Variants in FAR1 observed in about 807,000 individuals in gnomAD.
FAR1 encodes the protein male sterility domain-containing protein 2.
A neutral mutation model predicts 61.1 loss-of-function variants in FAR1; 22 were observed. That is an observed-to-expected ratio of 0.36 (90% CI 0.26 to 0.51). The LOEUF (loss-of-function observed/expected upper bound fraction) is 0.51. Among genes scored for constraint, FAR1 ranks in the 20% least tolerant of loss-of-function variants. FAR1 has a pLI of 0.95. For missense variants in FAR1, 359 were observed against 626.9 expected, an observed-to-expected ratio of 0.57 and a Z score of 4.56; for synonymous variants, 206 against 209.7, an observed-to-expected ratio of 0.98 and a Z score of 0.15.
At chr11:13,677,053 T>C (rs918122226) in intron 1 of FAR1, among the ~76,000 whole-genome samples, 30 of 152,324 alleles carry the variant, frequency 2.0e-4, no homozygotes, top group African/African-American at 6.5e-4. Context: ...TTTTGGTAAG[T>C]CTATTGTGCT....
rs551687999 is a variant in FAR1, at chr11:13,693,850, T to C, written c.-7-909T>C. On this transcript the variant is annotated intron_variant, in intron 1 of 11. Coordinates refer to ENST00000354817, the MANE Select transcript of FAR1 (RefSeq NM_032228.6). ...TGGAGCTATTTTTTCCAGGTTGTTA[T>C]GAACATATATTTTTTAATTATGAAA... 2.6e-5 allele frequency among the ~76,000 whole-genome samples: 4 copies of C among 152,324 alleles called. No individual in the cohort carries two copies. In the East Asian group the frequency reaches 7.7e-4, roughly 29 times the overall value.
intron 9 of FAR1, among the ~76,000 whole-genome samples, chr11:13,718,926 C>T (rs552326491): frequency 9.9e-4 from 151 of 152,234 alleles, no homozygotes; most frequent in Non-Finnish European, 1.9e-3. Context: ...CTAGTTTGAG[C>T]TTCCTCGCAG....
chr11:13,708,447 G>GCACACACACACA (rs61253307), intron 4 of FAR1, among the ~76,000 whole-genome samples: 82 of 136,692 alleles, frequency 6.0e-4, no homozygotes, highest in South Asian at 1.2e-3. Flanking sequence ...GCGCGCGCGC[G>GCACACACACACA]CACACACACA....
intron 1 of FAR1, among the ~76,000 whole-genome samples, chr11:13,692,162 C>G (rs1201383326): frequency 6.6e-6 from 1 of 152,094 alleles, no homozygotes; most frequent in Non-Finnish European, 1.5e-5. Flanking sequence ...GTGAGACTTT[C>G]TCCAGAAGGA....
chr11:13,718,032 A>G lies in FAR1; in HGVS notation c.1127+3352A>G, dbSNP rs568292520. Among the ~76,000 whole-genome samples, 74 of 152,242 alleles carry G rather than the reference A, an allele frequency of 4.9e-4. 2 individuals carry two copies. In the South Asian group the frequency reaches 0.015, roughly 32 times the overall value. On this transcript the variant is annotated intron_variant, in intron 9 of 11. Coordinates refer to ENST00000354817, the MANE Select transcript of FAR1 (RefSeq NM_032228.6). ...GTTTCTTTGACACAAACCCTTCTCT[A>G]TCTTGGGTCCCCTGTGAGGTTCCTA...
intron 7 of FAR1, among the ~76,000 whole-genome samples, 166 bp from the exon 8 acceptor site, chr11:13,712,800 G>T (rs1042075210): frequency 6.6e-6 from 1 of 151,946 alleles, no homozygotes; most frequent in African/African-American, 2.4e-5. Flanking sequence ...AAGGGTAGTT[G>T]TAAATAGTCA....
At chr11:13,684,383 A>G (rs1261955289) in intron 1 of FAR1, among the ~76,000 whole-genome samples, 1 of 152,226 alleles carries the variant, frequency 6.6e-6, no homozygotes, top group Non-Finnish European at 1.5e-5. Context: ...CTGAAGGACC[A>G]TACTGAGAAT....
Position 13,721,832 on chromosome 11 carries a change from G to T in FAR1, c.1230G>T (p.Met410Ile). The T allele has an allele frequency of 6.2e-7, 1 of 1,607,520 alleles. No homozygotes were observed. Among genetic ancestry groups the T allele is most frequent in the Non-Finnish European group, 8.5e-7 (1 of 1,177,342 alleles). The change falls in exon 10 of 12, where the codon ATG becomes ATT. Residue 410 changes from methionine (M) to isoleucine (I), a missense_variant. Physicochemically the swap from Met to Ile is conservative, Grantham distance 10 (BLOSUM62 1). This residue lies in a region of FAR1 where 344 missense variants were observed against 570.3 expected (regional missense o/e 0.60). Coordinates refer to ENST00000354817, the MANE Select transcript of FAR1 (RefSeq NM_032228.6). The surrounding 1 kb of genome is among the most constrained non-coding windows in gnomAD (Gnocchi z 4.2). ...ATACTGAGAATGTCAATATGTTAATGAATCAACTAAACCCTGAAGATAAAA... is the reference window on the plus strand; with the variant it reads ...ATACTGAGAATGTCAATATGTTAATTAATCAACTAAACCCTGAAGATAAAA... ...VWNTENVNML[M>I]NQLNPEDKKT...
In FAR1 at chr11:13,721,979, T is replaced by G. The variant is rs1308359166; in HGVS notation, c.1257+120T>G. On this transcript the variant is annotated intron_variant, in intron 10 of 11. Coordinates refer to ENST00000354817, the MANE Select transcript of FAR1 (RefSeq NM_032228.6). The surrounding 1 kb of genome is among the most constrained non-coding windows in gnomAD (Gnocchi z 4.2). ...GCAACAAGTAAGCCATTATTTATAG[T>G]CTCTCATAAAGCTTTAGTCATAATT... The G allele has an allele frequency of 5.1e-6, 4 of 779,538 alleles. No individual in the cohort carries two copies. Among genetic ancestry groups the G allele is most frequent in the Non-Finnish European group, 7.8e-6 (4 of 515,164 alleles). The allele number at this position is 779,538 out of a possible 1,614,324, so 48.3% of individuals were successfully genotyped here. A position where few individuals can be genotyped will look rare whatever the true frequency, so the allele number is the denominator to read the frequency against.
intron 1 of FAR1, among the ~76,000 whole-genome samples, chr11:13,690,297 A>G (rs767970734): frequency 7.9e-5 from 12 of 152,158 alleles, no homozygotes; most frequent in Non-Finnish European, 1.6e-4. Context: ...TATTCTAGAT[A>G]TTAATGTTTT....
intron 1 of FAR1, among the ~76,000 whole-genome samples, chr11:13,670,714 G>GTT (rs58418636): frequency 0.049 from 6,763 of 136,656 alleles, 185 homozygotes; most frequent in African/African-American, 0.075. Context: ...TAGCTTGAGG[G>GTT]TTTTTTTTTT....
intron 1 of FAR1, among the ~76,000 whole-genome samples, chr11:13,687,955 G>A (rs548249847): frequency 6.8e-4 from 87 of 127,654 alleles, no homozygotes; most frequent in Non-Finnish European, 1.0e-3. Context: ...GTTGTGGGGT[G>A]GGGGGAGGGG....
At position 13,682,120 on chromosome 11, in the gene FAR1, A is replaced by T. The variant is rs572349402; in HGVS notation, c.-7-12639A>T. Among the ~76,000 whole-genome samples the T allele has an allele frequency of 5.9e-5, 9 of 152,352 alleles. No homozygotes were observed. In the South Asian group the frequency reaches 6.2e-4, roughly 11 times the overall value. The stretch of plus-strand genomic sequence containing the variant: ...GCTATAGGTCATGTCATCCTTTTGC[A>T]TTCAGCCTCTGGCATATCTGTATTT... On this transcript the variant is annotated intron_variant, in intron 1 of 11. Transcript: ENST00000354817.
rs1426773652 is a variant in FAR1 at position 13,729,998 on chromosome 11, T to C, written c.*1224T>C. ...AGAAATGCGTTATAGAAACAAGTAATAGCAAGAAAATTGATGTATATTTTA... is the reference window on the plus strand; with the variant it reads ...AGAAATGCGTTATAGAAACAAGTAACAGCAAGAAAATTGATGTATATTTTA... On this transcript the variant is annotated 3_prime_UTR_variant, in exon 12 of 12. Transcript: ENST00000354817. The C allele has an allele frequency of 6.6e-6, 1 of 152,402 alleles. No homozygotes were observed. The highest frequency in any genetic ancestry group is 2.4e-5 in the African/African-American group (1 of 41,444). 9.4% of individuals were successfully genotyped at this position (152,402 alleles called of 1,614,324 possible). A position where few individuals can be genotyped will look rare whatever the true frequency, so the allele number is the denominator to read the frequency against.
At chr11:13,691,624 G>T (rs982781910) in intron 1 of FAR1, among the ~76,000 whole-genome samples, 1 of 152,166 alleles carries the variant, frequency 6.6e-6, no homozygotes, top group Non-Finnish European at 1.5e-5. Flanking sequence ...GAATCATATA[G>T]TATGTGACCT....
At position 13,713,005 on chromosome 11, in the gene FAR1, C is replaced by T; in HGVS notation, c.927C>T (p.Ser309=). 6.2e-7 allele frequency: 1 copy of T among 1,613,142 alleles called. No individual in the cohort carries two copies. Among genetic ancestry groups the T allele is most frequent in the Admixed American group, 1.7e-5 (1 of 60,002 alleles). Residue 309 remains serine (S), a synonymous_variant, in exon 8 of 12, where the codon AGC becomes AGT. Coordinates refer to ENST00000354817, the MANE Select transcript of FAR1 (RefSeq NM_032228.6). ...TGGTGTATAATTGTACAACAGGCAGCACTAATCCTTTCCACTGGGGTGAAG... is the reference window on the plus strand; with the variant it reads ...TGGTGTATAATTGTACAACAGGCAGTACTAATCCTTTCCACTGGGGTGAAG... ...NIMVYNCTTG[S]TNPFHWGEVE...
intron 1 of FAR1, among the ~76,000 whole-genome samples, chr11:13,677,510 C>T (rs554427059): frequency 6.6e-6 from 1 of 152,244 alleles, no homozygotes; most frequent in South Asian, 2.1e-4. Flanking sequence ...GTTTTTTCCC[C>T]ACTCAAAACT....
intron 1 of FAR1, among the ~76,000 whole-genome samples, chr11:13,671,032 A>G (rs1370593037): frequency 2.6e-5 from 4 of 152,198 alleles, no homozygotes; most frequent in Non-Finnish European, 4.4e-5. Context: ...TAACTAATGG[A>G]CCATTATTTA....
intron 1 of FAR1, among the ~76,000 whole-genome samples, chr11:13,674,265 C>T (rs911589046): frequency 2.7e-5 from 4 of 149,116 alleles, no homozygotes; most frequent in Admixed American, 1.3e-4. Flanking sequence ...GCCAAGATAG[C>T]GCCACTGCAC....
Sources: gnomAD v4.1 joint callset for allele counts (sites outside exome capture counted in the v4.1 genomes callset) on GRCh38, gnomAD v4.1.1 for gene constraint, gnomAD v4.1.1 regional missense constraint, Gnocchi (gnomAD v3.1) non-coding constraint, MANE v1.5 for transcripts, NCBI Gene and HGNC (gene_info 2026-07-23, HGNC 2026-07-21) for gene names.